Variants in BCAR3 observed in about 807,000 individuals in gnomAD.
BCAR3 encodes the protein breast cancer anti-estrogen resistance protein 3.
In BCAR3, 37 loss-of-function variants were observed where a neutral mutation model predicts 80.1. The ratio of observed to expected loss-of-function variants is 0.46; its 90% confidence interval spans 0.36 to 0.61. BCAR3 has a LOEUF of 0.61. BCAR3 is among the 20% of genes least tolerant of loss of function. The pLI, the probability that BCAR3 is intolerant of heterozygous loss-of-function variation, is 0.00. For missense variants in BCAR3, 978 were observed against 1,068.2 expected (o/e 0.92, Z 1.18); for synonymous variants, 389 against 418.9 (o/e 0.93, Z 0.87).
At chr1:93,750,253 T>C (rs968096073) in intron 2 of BCAR3, among the ~76,000 whole-genome samples, 1 of 152,106 alleles carries the variant, frequency 6.6e-6, no homozygotes, top group African/African-American at 2.4e-5. Flanking sequence ...ACCACTGCAT[T>C]TCAGGCACCA....
intron 2 of BCAR3, among the ~76,000 whole-genome samples, chr1:93,728,747 A>G (rs934394021): frequency 6.6e-6 from 1 of 152,130 alleles, no homozygotes; most frequent in Non-Finnish European, 1.5e-5. Flanking sequence ...TCCTCTTGAC[A>G]TCGAGCCACT....
intron 2 of BCAR3, among the ~76,000 whole-genome samples, chr1:93,668,522 C>T (rs1452773901): frequency 6.6e-6 from 1 of 152,146 alleles, no homozygotes; most frequent in African/African-American, 2.4e-5. Context: ...GCAACAGCTG[C>T]GTTCAAACAC....
intron 3 of BCAR3, among the ~76,000 whole-genome samples, chr1:93,607,995 A>T (rs1674830324): frequency 6.6e-6 from 1 of 152,186 alleles, no homozygotes; most frequent in Non-Finnish European, 1.5e-5. Context: ...AAGGGCGATG[A>T]ATCAATGGCT....
At chr1:93,749,482 G>A (rs928054214) in intron 2 of BCAR3, among the ~76,000 whole-genome samples, 1 of 151,664 alleles carries the variant, frequency 6.6e-6, no homozygotes, top group Non-Finnish European at 1.5e-5. Context: ...CCAGCTACTC[G>A]GGAGGCTGAG....
intron 2 of BCAR3, among the ~76,000 whole-genome samples, chr1:93,790,634 A>ATTAT (rs1234204229): frequency 9.3e-6 from 1 of 107,426 alleles, no homozygotes; most frequent in African/African-American, 4.1e-5. Flanking sequence ...TTTTGTATTC[A>ATTAT]TTTTTTTTTT....
chr1:93,686,068 T>C (rs1226380934), upstream of BCAR3, among the ~76,000 whole-genome samples: 1 of 152,136 alleles, frequency 6.6e-6, no homozygotes, highest in Non-Finnish European at 1.5e-5. Context: ...AGGGGTGACA[T>C]ATGCAAAATA....
At chr1:93,701,340 G>C (rs954603488) in intron 3 of BCAR3, among the ~76,000 whole-genome samples, 1 of 152,142 alleles carries the variant, frequency 6.6e-6, no homozygotes, top group Non-Finnish European at 1.5e-5. Flanking sequence ...CCCAAAACGT[G>C]CCTTCGAGAG....
intron 2 of BCAR3, among the ~76,000 whole-genome samples, chr1:93,674,362 TC>T (rs1446723939): frequency 1.3e-5 from 2 of 152,200 alleles, no homozygotes; most frequent in African/African-American, 4.8e-5. Context: ...TTCAAGTGAT[TC>T]TCCTGCCTTA....
chr1:93,577,217 G>T (rs2101819785), intron 7 of BCAR3, among the ~76,000 whole-genome samples: 1 of 152,270 alleles, frequency 6.6e-6, no homozygotes, highest in South Asian at 2.1e-4. Flanking sequence ...TACTAAGAGT[G>T]GAACTAACAG....
chr1:93,805,581 C>T (rs1653629794), intron 2 of BCAR3, among the ~76,000 whole-genome samples: 1 of 134 alleles, frequency 7.5e-3, no homozygotes, highest in South Asian at 0.17. Flanking sequence ...TGCATTCCTG[C>T]CTTTAGGACC....
At chr1:93,698,814 T>C (rs1406243624) in intron 3 of BCAR3, among the ~76,000 whole-genome samples, 1 of 152,218 alleles carries the variant, frequency 6.6e-6, no homozygotes, top group Non-Finnish European at 1.5e-5. Context: ...TTTTGTTTCA[T>C]TCGTATTTAT....
intron 2 of BCAR3, among the ~76,000 whole-genome samples, chr1:93,666,694 C>T (rs759056239): frequency 1.9e-4 from 29 of 152,154 alleles, no homozygotes; most frequent in Non-Finnish European, 3.2e-4. Flanking sequence ...GGCAAAGGCT[C>T]GGGGCCCGTT....
intron 3 of BCAR3, among the ~76,000 whole-genome samples, chr1:93,630,342 G>T (rs1675576422): frequency 6.6e-6 from 1 of 152,110 alleles, no homozygotes; most frequent in Admixed American, 6.6e-5. Flanking sequence ...AAACAAATAA[G>T]GCCGGGTGTG....
chr1:93,704,445 T>C (rs1261607475), intron 3 of BCAR3, among the ~76,000 whole-genome samples: 1 of 152,202 alleles, frequency 6.6e-6, no homozygotes, highest in Admixed American at 6.5e-5. Context: ...ATTCTCATTT[T>C]ACGAATGAAA....
intron 2 of BCAR3, among the ~76,000 whole-genome samples, chr1:93,769,665 G>C (rs1005965818): frequency 1.3e-5 from 2 of 152,040 alleles, no homozygotes; most frequent in Non-Finnish European, 2.9e-5. Context: ...ATTACTGTTC[G>C]AGTTTAACCC....
At chr1:93,707,328 A>G (rs1236115064) in intron 2 of BCAR3, among the ~76,000 whole-genome samples, 1 of 152,258 alleles carries the variant, frequency 6.6e-6, no homozygotes, top group Non-Finnish European at 1.5e-5. Flanking sequence ...TTTGAAGTAC[A>G]GTAATTAAAT....
At chr1:93,578,225 GGCCCAGCCCTCCTCCCA>G (rs1673536590) in intron 7 of BCAR3, among the ~76,000 whole-genome samples, 1 of 152,076 alleles carries the variant, frequency 6.6e-6, no homozygotes, top group Non-Finnish European at 1.5e-5. Context: ...ATGGGGTCCC[GGCCCAGCCCTCCTCCCA>G]GCCGCAAGGG....
chr1:93,583,609 T>TCCCCTTTTG (rs1673817630), intron 6 of BCAR3, among the ~76,000 whole-genome samples: 1 of 152,144 alleles, frequency 6.6e-6, no homozygotes, highest in East Asian at 1.9e-4. Flanking sequence ...CCTGGACAGC[T>TCCCCTTTTG]GTTCTGCCAA....
intron 2 of BCAR3, chr1:93,775,354 G>A (rs1405587391): frequency 6.6e-6 from 1 of 152,110 alleles, no homozygotes; most frequent in Non-Finnish European, 1.5e-5. Context: ...AGGCACAGAG[G>A]TGCTCTCCAT....
Sources: gnomAD v4.1 joint callset for allele counts (sites outside exome capture counted in the v4.1 genomes callset) on GRCh38, gnomAD v4.1.1 for gene constraint, MANE v1.5 for transcripts, NCBI Gene and HGNC (gene_info 2026-07-23, HGNC 2026-07-21) for gene names.